Variants in ZNF676 observed in about 807,000 individuals in gnomAD.
ZNF676 encodes zinc finger protein 676.
A neutral mutation model predicts 6.0 loss-of-function variants in ZNF676; 4 were observed. That is an observed-to-expected ratio of 0.67 (90% CI 0.33 to 1.53). The LOEUF is 1.53. Among genes scored for constraint, ZNF676 ranks in the 40% most tolerant of loss-of-function variants. The probability of loss-of-function intolerance (pLI) is 0.06; values close to 1 mark genes in which losing one functional copy is unlikely to be tolerated. For synonymous variants in ZNF676, 198 were observed against 223.1 expected, an observed-to-expected ratio of 0.89 and a Z score of 1.00; for missense variants, 644 against 679.7, an observed-to-expected ratio of 0.95 and a Z score of 0.58.
intron 2 of ZNF676, among the ~76,000 whole-genome samples, chr19:22,188,313 C>T (rs2023864514): frequency 6.6e-6 from 1 of 152,090 alleles, no homozygotes; most frequent in Admixed American, 6.5e-5. Flanking sequence ...AATTCAACAC[C>T]TTTCGTGCTA....
At chr19:22,217,835 C>T (rs1013894330), upstream of ZNF676, among the ~76,000 whole-genome samples, 5 of 151,944 alleles carry the variant, frequency 3.3e-5, no homozygotes, top group African/African-American at 1.2e-4. Context: ...TCTGGAGTAG[C>T]AGGGATTACG....
At chr19:22,231,501 AT>A in the ZNF676 span, among the ~76,000 whole-genome samples, 1 of 150,496 alleles carries the variant, frequency 6.6e-6, no homozygotes, top group Non-Finnish European at 1.5e-5. Context: ...AGATCTAATG[AT>A]AAAAAAGACT....
At chr19:22,251,105 A>G in the ZNF676 span, among the ~76,000 whole-genome samples, 1 of 152,250 alleles carries the variant, frequency 6.6e-6, no homozygotes, top group Non-Finnish European at 1.5e-5. Flanking sequence ...ATCTGATGGT[A>G]CAAACCCATG....
chr19:22,215,050 AAAAAAAAAAACAAC>A (rs2024169285), intron 1 of ZNF676, among the ~76,000 whole-genome samples: 1 of 125,060 alleles, frequency 8.0e-6, no homozygotes, highest in South Asian at 2.4e-4. Context: ...CAAAAAAAAA[AAAAAAAAAAACAAC>A]AAAAAACCAG....
At chr19:22,220,076 C>A (rs1171489441), upstream of ZNF676, among the ~76,000 whole-genome samples, 2 of 152,146 alleles carry the variant, frequency 1.3e-5, no homozygotes, top group Admixed American at 1.3e-4. Context: ...TTGAGATAAT[C>A]ATATAATTTT....
At chr19:22,235,121 C>CAGGAAGGCAGGAAGGAAGGAAGGAAGGA in the ZNF676 span, among the ~76,000 whole-genome samples, 3 of 131,704 alleles carry the variant, frequency 2.3e-5, no homozygotes, top group African/African-American at 8.8e-5. Flanking sequence ...GGCAGGAAGG[C>CAGGAAGGCAGGAAGGAAGGAAGGAAGGA]AGGAAGGAAG....
chr19:22,206,001 TA>T lies in ZNF676; in HGVS notation c.4-9276del, dbSNP rs533262492. Among the ~76,000 whole-genome samples the T allele has an allele frequency of 3.2e-3, 453 of 141,542 alleles. 2 individuals are homozygous for T. The highest frequency in any genetic ancestry group is 0.011 in the African/African-American group (421 of 38,898). The allele number at this position is 141,542 out of a possible 152,430, so 92.9% of individuals were successfully genotyped here. On this transcript the variant is annotated intron_variant, in intron 1 of 3. Transcript: ENST00000650058. ...AATATACTGAAGTCTGCTATGCACA[TA>T]AAAAAAAAACTAGAATAAAAAAATT...
the ZNF676 span, among the ~76,000 whole-genome samples, chr19:22,235,009 AAAGAAAGAAAGAAAGAAAG>A: frequency 8.1e-3 from 975 of 120,014 alleles, 14 homozygotes; most frequent in African/African-American, 0.013. Flanking sequence ...AGAAAGAAAG[AAAGAAAGAAAGAAAGAAAG>A]AAAGAAAAGA....
At chr19:22,224,329 C>T in the ZNF676 span, among the ~76,000 whole-genome samples, 2 of 151,606 alleles carry the variant, frequency 1.3e-5, no homozygotes, top group Non-Finnish European at 2.9e-5. Context: ...TCTGTTTGTA[C>T]ACTTTAAGTC....
At chr19:22,197,205 C>T (rs568991628), upstream of ZNF676, among the ~76,000 whole-genome samples, 1 of 151,834 alleles carries the variant, frequency 6.6e-6, no homozygotes, top group Non-Finnish European at 1.5e-5. Flanking sequence ...GGCTGTAATC[C>T]TAGCTACTCG....
At chr19:22,215,901 T>G (rs2024182343), upstream of ZNF676, among the ~76,000 whole-genome samples, 1 of 151,634 alleles carries the variant, frequency 6.6e-6, no homozygotes. Flanking sequence ...ACAGAAGATG[T>G]GATCAGATGC....
At chr19:22,248,436 GT>G in the ZNF676 span, among the ~76,000 whole-genome samples, 12 of 152,156 alleles carry the variant, frequency 7.9e-5, no homozygotes, top group Admixed American at 3.9e-4. Flanking sequence ...ATGATCACAT[GT>G]AACAAACCTG....
the ZNF676 span, among the ~76,000 whole-genome samples, chr19:22,257,854 A>T: frequency 6.6e-6 from 1 of 152,140 alleles, no homozygotes; most frequent in Non-Finnish European, 1.5e-5. Flanking sequence ...TCAGGTGCGT[A>T]GGGCTTAGGA....
At chr19:22,212,080 G>A (rs1265789081) in intron 1 of ZNF676, among the ~76,000 whole-genome samples, 2 of 151,294 alleles carry the variant, frequency 1.3e-5, no homozygotes, top group African/African-American at 4.9e-5. Flanking sequence ...GGTGCCTGTA[G>A]TCCCAGCTAC....
At chr19:22,188,736 G>A (rs1012005227) in intron 2 of ZNF676, among the ~76,000 whole-genome samples, 13 of 152,058 alleles carry the variant, frequency 8.5e-5, no homozygotes, top group African/African-American at 2.9e-4. Context: ...CAAATCATGA[G>A]TGAACTCCCA....
At chr19:22,252,852 T>C in the ZNF676 span, among the ~76,000 whole-genome samples, 45 of 152,246 alleles carry the variant, frequency 3.0e-4, no homozygotes, top group African/African-American at 1.0e-3. Context: ...GTCTGTGGGC[T>C]GAGCCCAGGC....
At chr19:22,182,506 A>T (rs1006986309) in intron 2 of ZNF676, among the ~76,000 whole-genome samples, 5 of 150,672 alleles carry the variant, frequency 3.3e-5, no homozygotes, top group African/African-American at 1.2e-4. Context: ...AAAAATGAGG[A>T]TAAGAACAAA....
chr19:22,255,380 C>T, the ZNF676 span, among the ~76,000 whole-genome samples: 2 of 152,098 alleles, frequency 1.3e-5, no homozygotes, highest in African/African-American at 4.8e-5. Flanking sequence ...CTGTACTACC[C>T]TAGGGCTTTA....
rs1568523860 is a variant in ZNF676 at position 22,180,397 on chromosome 19, CTTGTGT to C, written c.1314_1319del (p.His439_Lys440del). 1 of 1,613,798 alleles carries C rather than the reference CTTGTGT, an allele frequency of 6.2e-7. No homozygotes were observed. Among genetic ancestry groups the C allele is most frequent in the Admixed American group, 1.7e-5 (1 of 59,978 alleles). On this transcript the variant is annotated inframe_deletion, in exon 3 of 3. Transcript: ENST00000397121. ...AGGGTTTCTCTCCAGCATGAATTCTCTTGTGTTCAGTAAGGCTTGAGGACCAGCTGA... is the reference window on the plus strand; with the variant it reads ...AGGGTTTCTCTCCAGCATGAATTCTCTCAGTAAGGCTTGAGGACCAGCTGA...
Sources: allele counts gnomAD v4.1 joint callset (sites outside exome capture counted in the v4.1 genomes callset), GRCh38; gene constraint gnomAD v4.1.1; transcripts MANE v1.5; gene names NCBI Gene and HGNC (gene_info 2026-07-23, HGNC 2026-07-21).